Variants in GSE1 observed in about 807,000 individuals in gnomAD.
GSE1 encodes genetic suppressor element 1.
GSE1 carries 32 observed loss-of-function variants against 112.6 expected under a neutral mutation model. The observed-to-expected ratio is 0.28, with a 90% CI of 0.21 to 0.38. The LOEUF (loss-of-function observed/expected upper bound fraction) is 0.38, where lower values mean the gene tolerates loss of function less well. GSE1 is among the 10% of genes least tolerant of loss of function. The probability of loss-of-function intolerance (pLI) is 1.00; values close to 1 mark genes in which losing one functional copy is unlikely to be tolerated. For synonymous variants in GSE1, 1,115 were observed against 735.6 expected (o/e 1.52, Z -8.35); for missense variants, 2,348 against 1,699.2 (o/e 1.38, Z -6.71).
At chr16:85,214,678 T>C (rs929462272) in intron 1 of GSE1, among the ~76,000 whole-genome samples, 1 of 152,184 alleles carries the variant, frequency 6.6e-6, no homozygotes, top group African/African-American at 2.4e-5. Flanking sequence ...CCTCCCTCTC[T>C]GGCCTCTGTG....
intron 1 of GSE1, among the ~76,000 whole-genome samples, chr16:85,567,176 A>G (rs1240122552): frequency 6.6e-6 from 1 of 151,414 alleles, no homozygotes; most frequent in African/African-American, 2.4e-5. Flanking sequence ...GTCGGTGGGC[A>G]GGTCAGACCA....
intron 1 of GSE1, among the ~76,000 whole-genome samples, chr16:85,560,631 C>T (rs1457111888): frequency 1.3e-5 from 2 of 152,030 alleles, no homozygotes; most frequent in Non-Finnish European, 2.9e-5. Flanking sequence ...CAAGCTGTGG[C>T]CTCCACCTTC....
At chr16:85,590,629 G>A (rs1456122422) in intron 1 of GSE1, among the ~76,000 whole-genome samples, 3 of 151,952 alleles carry the variant, frequency 2.0e-5, no homozygotes, top group African/African-American at 4.8e-5. Flanking sequence ...GTGTGAATGC[G>A]TGGGCCTGTG....
intron 1 of GSE1, among the ~76,000 whole-genome samples, chr16:85,347,643 G>A (rs2151552835): frequency 7.2e-6 from 1 of 138,792 alleles, no homozygotes; most frequent in South Asian, 2.6e-4. Context: ...TCTGTCGCCA[G>A]TGACCTCATC....
At position 85,657,463 on chromosome 16, in the gene GSE1, GGCA is replaced by G. The variant is rs750323039; in HGVS notation, c.1502_1504del (p.Gln501del). ...AATGAGGAGGAGAAGTGGCTGGCGC[GGCA>G]GCGGCGGCTGCGGCAGGAGAAGGAG... On this transcript the variant is annotated inframe_deletion, in exon 8 of 16. Transcript: ENST00000253458. 17 of 1,609,600 alleles carry G rather than the reference GGCA, an allele frequency of 1.1e-5. No homozygotes were observed. Among genetic ancestry groups the G allele is most frequent in the Non-Finnish European group, 1.4e-5 (17 of 1,178,522 alleles).
At chr16:85,641,481 G>A (rs1369571237) in intron 2 of GSE1, among the ~76,000 whole-genome samples, 3 of 151,542 alleles carry the variant, frequency 2.0e-5, no homozygotes, top group East Asian at 1.9e-4. Context: ...CGCAGGCCGC[G>A]GGTCGGGAGA....
At chr16:85,255,086 AGGCGGC>A (rs10689181) in intron 1 of GSE1, among the ~76,000 whole-genome samples, 1 of 151,978 alleles carries the variant, frequency 6.6e-6, no homozygotes, top group East Asian at 1.9e-4. Flanking sequence ...CCAGAGAGGG[AGGCGGC>A]GGCGGCGGTC....
At chr16:85,329,195 T>G (rs913010473) in intron 1 of GSE1, among the ~76,000 whole-genome samples, 6 of 152,134 alleles carry the variant, frequency 3.9e-5, no homozygotes, top group African/African-American at 9.7e-5. Flanking sequence ...GCATCGCCCT[T>G]TAGGAGCTAG....
chr16:85,178,578 G>C (rs1327085553), intron 1 of GSE1, among the ~76,000 whole-genome samples: 2 of 152,086 alleles, frequency 1.3e-5, no homozygotes, highest in African/African-American at 4.8e-5. Context: ...GGTGAGAACT[G>C]CTGACGGACG....
At chr16:85,192,587 C>G (rs983022239) in intron 1 of GSE1, among the ~76,000 whole-genome samples, 1 of 152,216 alleles carries the variant, frequency 6.6e-6, no homozygotes, top group Non-Finnish European at 1.5e-5. Flanking sequence ...TCTGCTGCCT[C>G]CATCCTGGGC....
intron 14 of GSE1, chr16:85,670,687 C>T (rs1263281424): frequency 5.7e-6 from 1 of 174,238 alleles, no homozygotes; most frequent in Non-Finnish European, 1.2e-5. Flanking sequence ...AAACTGAAAG[C>T]CTATTTTTTT....
chr16:85,572,408 A>G (rs766350847), intron 1 of GSE1, among the ~76,000 whole-genome samples: 11 of 148,814 alleles, frequency 7.4e-5, no homozygotes, highest in Non-Finnish European at 1.3e-4. Context: ...CACACCACAC[A>G]CACTACACAC....
intron 2 of GSE1, among the ~76,000 whole-genome samples, chr16:85,382,748 C>G (rs1425200766): frequency 6.6e-6 from 1 of 151,412 alleles, no homozygotes; most frequent in Non-Finnish European, 1.5e-5. Context: ...CACACTCAAG[C>G]ATGTGCACAC....
Position 85,558,341 on chromosome 16 carries a change from G to T in GSE1, c.37+1978G>T, listed in dbSNP as rs140056236. ...CCTGCCTTGGAGGCGCTCAGGACCA[G>T]CTTGTGCCAAGAATGAATCTTCTTA... On this transcript the variant is annotated intron_variant, in intron 1 of 2. Transcript: ENST00000635906. Among the ~76,000 whole-genome samples, 1,008 of 152,360 alleles carry T rather than the reference G, an allele frequency of 6.6e-3. 8 individuals carry two copies. Among genetic ancestry groups the T allele is most frequent in the African/African-American group, 0.023 (939 of 41,586 alleles).
At chr16:85,175,112 G>A (rs1158265551) in intron 1 of GSE1, among the ~76,000 whole-genome samples, 1 of 152,210 alleles carries the variant, frequency 6.6e-6, no homozygotes, top group Non-Finnish European at 1.5e-5. Flanking sequence ...TAAAACACAA[G>A]AGGAAACATG....
chr16:85,580,785 C>T (rs2046416083), intron 1 of GSE1, among the ~76,000 whole-genome samples: 1 of 152,186 alleles, frequency 6.6e-6, no homozygotes, highest in African/African-American at 2.4e-5. Flanking sequence ...AGGAGGAGAC[C>T]CCAGAGAGTG....
intron 1 of GSE1, among the ~76,000 whole-genome samples, chr16:85,580,858 C>G (rs1008384510): frequency 6.6e-6 from 1 of 152,222 alleles, no homozygotes; most frequent in African/African-American, 2.4e-5. Flanking sequence ...AGCAGGGAGC[C>G]CTCCACGGAA....
chr16:85,637,249 C>T (rs1470121537), intron 2 of GSE1, among the ~76,000 whole-genome samples: 1 of 152,242 alleles, frequency 6.6e-6, no homozygotes, highest in African/African-American at 2.4e-5. Flanking sequence ...GCATTTTGTA[C>T]ACATGGGCTG....
At chr16:85,633,594 G>GGGTGATGC (rs1162359559) in intron 1 of GSE1, among the ~76,000 whole-genome samples, 4 of 152,190 alleles carry the variant, frequency 2.6e-5, no homozygotes, top group Non-Finnish European at 2.9e-5. Flanking sequence ...GGGGCCTGTT[G>GGGTGATGC]GGTGATGCGT....
Sources: gnomAD v4.1 joint callset for allele counts (sites outside exome capture counted in the v4.1 genomes callset) on GRCh38, gnomAD v4.1.1 for gene constraint, MANE v1.5 for transcripts, NCBI Gene and HGNC (gene_info 2026-07-23, HGNC 2026-07-21) for gene names.